Variants in PARD3B observed in about 807,000 individuals in gnomAD.
PARD3B encodes the protein partitioning defective 3 homolog B.
A neutral mutation model predicts 130.2 loss-of-function variants in PARD3B; 103 were observed. The ratio of observed to expected loss-of-function variants is 0.79; its 90% CI spans 0.67 to 0.93. The LOEUF (loss-of-function observed/expected upper bound fraction) is 0.93, where lower values mean the gene tolerates loss of function less well. Ranked by LOEUF, PARD3B falls within the 40% of genes least tolerant of loss-of-function variation. PARD3B has a pLI of 0.00. For synonymous variants in PARD3B, 583 were observed against 553.2 expected (o/e 1.05, Z -0.76); for missense variants, 1,609 against 1,499.2 (o/e 1.07, Z -1.21).
At chr2:205,169,757 C>T (rs940495108) in intron 11 of PARD3B, among the ~76,000 whole-genome samples, 9 of 152,152 alleles carry the variant, frequency 5.9e-5, no homozygotes, top group African/African-American at 2.2e-4. Flanking sequence ...CTGCTTCCTC[C>T]TCCTCTTTAA....
At chr2:204,549,726 C>T (rs577387727) in intron 1 of PARD3B, among the ~76,000 whole-genome samples, 1 of 152,242 alleles carries the variant, frequency 6.6e-6, no homozygotes, top group East Asian at 1.9e-4. Context: ...TAGATATCTA[C>T]ACACCAATCT....
chr2:204,622,013 G>A (rs981314348), intron 1 of PARD3B, among the ~76,000 whole-genome samples: 2 of 152,136 alleles, frequency 1.3e-5, no homozygotes, highest in African/African-American at 4.8e-5. Context: ...CTTTCAAGGG[G>A]GTGAGGGGCA....
chr2:205,436,275 C>T (rs1049586813), intron 19 of PARD3B, among the ~76,000 whole-genome samples: 4 of 152,114 alleles, frequency 2.6e-5, no homozygotes, highest in African/African-American at 4.8e-5. Context: ...GAGACATTAC[C>T]GCCGTAGCAA....
In PARD3B at chr2:205,300,892, CT is replaced by C. The variant is rs2041973210; in HGVS notation, c.2392+159del. ...ATTCATTTTCCTGATATGTTTTGCC[CT>C]TTGGCTTAATGAACATGGAATTGGA... On this transcript the variant is annotated intron_variant, in intron 17 of 22. Coordinates refer to ENST00000406610, the MANE Select transcript of PARD3B (RefSeq NM_001302769.2). This position sits in a 1 kb window ranked among gnomAD's most constrained non-coding sequence, Gnocchi z 4.1. Among the ~76,000 whole-genome samples the C allele has an allele frequency of 6.6e-6, 1 of 152,090 alleles. No homozygotes were observed. Among genetic ancestry groups the C allele is most frequent in the African/African-American group, 2.4e-5 (1 of 41,396 alleles).
chr2:204,740,245 C>A (rs572237971), intron 2 of PARD3B, among the ~76,000 whole-genome samples: 1 of 151,908 alleles, frequency 6.6e-6, no homozygotes, highest in Admixed American at 6.6e-5. Flanking sequence ...TGATCGCGAT[C>A]TCCTGACCTC....
chr2:205,221,505 G>T (rs1184954127), intron 15 of PARD3B, among the ~76,000 whole-genome samples: 1 of 152,166 alleles, frequency 6.6e-6, no homozygotes, highest in Non-Finnish European at 1.5e-5. Context: ...TTTGGTGAGG[G>T]TGTCAGTGAA....
chr2:204,952,975 C>G (rs1007772741), intron 2 of PARD3B, among the ~76,000 whole-genome samples: 4 of 136,362 alleles, frequency 2.9e-5, no homozygotes, highest in Admixed American at 2.5e-4. Flanking sequence ...CCAGCCTGGG[C>G]GACAGTGCGA....
At chr2:204,632,126 G>T (rs1190536157) in intron 1 of PARD3B, among the ~76,000 whole-genome samples, 1 of 151,990 alleles carries the variant, frequency 6.6e-6, no homozygotes, top group African/African-American at 2.4e-5. Context: ...TACTATCCTC[G>T]CAATCATGAG....
intron 20 of PARD3B, among the ~76,000 whole-genome samples, chr2:205,488,715 G>A (rs145225688): frequency 1.2e-3 from 185 of 152,242 alleles, no homozygotes; most frequent in African/African-American, 4.2e-3. Context: ...ATTAGGAAAG[G>A]TGCCTAGGAA....
intron 4 of PARD3B, 40 bp from the exon 5 acceptor site, chr2:205,104,386 A>T: frequency 7.2e-7 from 1 of 1,395,510 alleles, no homozygotes; most frequent in Non-Finnish European, 1.0e-6. Flanking sequence ...TCAATTCAAT[A>T]TGCACAGCAT....
chr2:205,372,571 T>C (rs1469107941), intron 18 of PARD3B, among the ~76,000 whole-genome samples: 1 of 152,218 alleles, frequency 6.6e-6, no homozygotes, highest in African/African-American at 2.4e-5. Context: ...ATGAGAAATG[T>C]AGAGAAAAAT....
At chr2:204,842,488 A>G (rs1052728606) in intron 2 of PARD3B, among the ~76,000 whole-genome samples, 7 of 152,128 alleles carry the variant, frequency 4.6e-5, no homozygotes, top group Non-Finnish European at 7.3e-5. Context: ...TGGTATGAAG[A>G]GTTATTATAA....
chr2:205,540,241 A>C (rs1197418280), intron 21 of PARD3B, among the ~76,000 whole-genome samples: 1 of 152,086 alleles, frequency 6.6e-6, no homozygotes, highest in Non-Finnish European at 1.5e-5. Flanking sequence ...AAAAAAAAAA[A>C]CACTGTGAAT....
intron 21 of PARD3B, among the ~76,000 whole-genome samples, chr2:205,543,193 G>A (rs1041560997): frequency 6.6e-6 from 1 of 152,050 alleles, no homozygotes; most frequent in African/African-American, 2.4e-5. Context: ...TACAATCTGA[G>A]ATCTTAGGTA....
intron 3 of PARD3B, among the ~76,000 whole-genome samples, chr2:205,046,252 GT>G (rs1041890140): frequency 3.1e-4 from 45 of 146,052 alleles, no homozygotes; most frequent in African/African-American, 3.7e-4. Flanking sequence ...TACTCTTCTT[GT>G]TTTTTTTTTT....
chr2:205,457,310 A>C (rs2048309384), intron 20 of PARD3B, among the ~76,000 whole-genome samples: 1 of 151,904 alleles, frequency 6.6e-6, no homozygotes, highest in South Asian at 2.1e-4. Flanking sequence ...TTGATCTGAT[A>C]TTGTTAGTAT....
At chr2:205,574,068 A>G (rs1444352422) in intron 22 of PARD3B, among the ~76,000 whole-genome samples, 3 of 152,172 alleles carry the variant, frequency 2.0e-5, no homozygotes, top group Non-Finnish European at 4.4e-5. Context: ...TAAAGATAAA[A>G]CACTTATTTC....
rs1299138918 is a variant in PARD3B, at chr2:205,589,220, C to T, written c.3261-26236C>T. ...GGAGGATCTCTTGAGCCCGGGAGGTCGAGGCAGCTGTAGTAAGCTGTGATC... is the reference window on the plus strand; with the variant it reads ...GGAGGATCTCTTGAGCCCGGGAGGTTGAGGCAGCTGTAGTAAGCTGTGATC... On this transcript the variant is annotated intron_variant, in intron 22 of 22. Transcript: ENST00000406610. The surrounding 1 kb of genome is among the most constrained non-coding windows in gnomAD (Gnocchi z 4.1). 2.0e-5 allele frequency among the ~76,000 whole-genome samples: 3 copies of T among 152,140 alleles called. No homozygotes were observed. Among genetic ancestry groups the T allele is most frequent in the African/African-American group, 4.8e-5 (2 of 41,430 alleles).
At chr2:205,582,731 G>A (rs1272776968) in intron 22 of PARD3B, among the ~76,000 whole-genome samples, 1 of 151,678 alleles carries the variant, frequency 6.6e-6, no homozygotes, top group African/African-American at 2.4e-5. Flanking sequence ...GAGATTGGGA[G>A]CTAGTAAAGG....
Sources: allele counts gnomAD v4.1 joint callset (sites outside exome capture counted in the v4.1 genomes callset), GRCh38; gene constraint gnomAD v4.1.1; non-coding constraint Gnocchi (gnomAD v3.1); transcripts MANE v1.5; gene names NCBI Gene and HGNC (gene_info 2026-07-23, HGNC 2026-07-21).